Variants in KATNAL2 observed in about 807,000 individuals in gnomAD.
The protein encoded by KATNAL2 is katanin p60 ATPase-containing subunit A-like 2.
In KATNAL2, 52 loss-of-function variants were observed where a neutral mutation model predicts 76.3. The observed-to-expected ratio is 0.68, with a 90% CI of 0.55 to 0.86. The LOEUF is 0.86. Ranked by LOEUF, KATNAL2 falls within the 40% of genes least tolerant of loss-of-function variation. KATNAL2 has a pLI of 0.00. For missense variants in KATNAL2, 660 were observed against 668.9 expected (o/e 0.99, Z 0.15); for synonymous variants, 243 against 244.2 (o/e 1.00, Z 0.05).
At chr18:46,924,050 CT>C (rs1176839979) in intron 1 of KATNAL2, among the ~76,000 whole-genome samples, 30 of 152,284 alleles carry the variant, frequency 2.0e-4, no homozygotes, top group African/African-American at 6.7e-4. Flanking sequence ...ATGCTAGTTT[CT>C]TTCACTGTGC....
chr18:46,951,409 ATTTTT>A (rs57801829), intron 3 of KATNAL2, among the ~76,000 whole-genome samples: 1 of 137,224 alleles, frequency 7.3e-6, no homozygotes. Context: ...TCTAAGTCTG[ATTTTT>A]TTTTTTTTTT....
chr18:46,959,477 A>G (rs886770989), intron 3 of KATNAL2, among the ~76,000 whole-genome samples: 2 of 152,208 alleles, frequency 1.3e-5, no homozygotes, highest in Non-Finnish European at 2.9e-5. Context: ...AAAAAAAACT[A>G]ACTGAGAATA....
At chr18:47,085,784 A>AAATC in intron 15 of KATNAL2, among the ~76,000 whole-genome samples, 1 of 151,734 alleles carries the variant, frequency 6.6e-6, no homozygotes, top group Admixed American at 6.6e-5. Flanking sequence ...TTTTTATTGC[A>AAATC]AATAAATAAA....
intron 3 of KATNAL2, among the ~76,000 whole-genome samples, chr18:46,955,140 C>CTCTCTCTCTTTCTT (rs1555834717): frequency 2.5e-4 from 21 of 85,074 alleles, no homozygotes; most frequent in African/African-American, 8.1e-4. Context: ...CTTTCTCTCT[C>CTCTCTCTCTTTCTT]TCTTTCTTTC....
At chr18:46,928,946 C>T (rs537695873) in intron 1 of KATNAL2, among the ~76,000 whole-genome samples, 73 of 152,156 alleles carry the variant, frequency 4.8e-4, no homozygotes, top group African/African-American at 1.7e-3. Flanking sequence ...CAGGCATGCG[C>T]CACCACGCCC....
At chr18:46,950,911 C>T (rs948640258) in intron 3 of KATNAL2, among the ~76,000 whole-genome samples, 2 of 152,102 alleles carry the variant, frequency 1.3e-5, no homozygotes, top group Non-Finnish European at 2.9e-5. Context: ...CTCGAACTCC[C>T]AACCTCAGGT....
intron 3 of KATNAL2, among the ~76,000 whole-genome samples, chr18:47,043,552 A>C (rs1292791621): frequency 6.6e-6 from 1 of 152,158 alleles, no homozygotes; most frequent in Non-Finnish European, 1.5e-5. Flanking sequence ...CCAGAAGAGA[A>C]AGATTCAGTT....
intron 13 of KATNAL2, among the ~76,000 whole-genome samples, chr18:47,071,084 C>G (rs181756959): frequency 6.6e-6 from 1 of 152,100 alleles, no homozygotes; most frequent in South Asian, 2.1e-4. Flanking sequence ...ATGCAAAACC[C>G]GAGTATATGT....
intron 15 of KATNAL2, among the ~76,000 whole-genome samples, chr18:47,079,705 G>T (rs1209530340): frequency 6.6e-6 from 1 of 152,012 alleles, no homozygotes; most frequent in Non-Finnish European, 1.5e-5. Context: ...CTGCCAGAGG[G>T]ATTGTCTTGC....
chr18:47,077,658 C>G, intron 15 of KATNAL2, 197 bp downstream of exon 15: 1 of 489,998 alleles, frequency 2.0e-6, no homozygotes, highest in Non-Finnish European at 3.7e-6. Context: ...AGAGGAAACA[C>G]AGGCCAGGGT....
intron 3 of KATNAL2, chr18:47,033,125 G>C: frequency 6.2e-7 from 1 of 1,614,110 alleles, no homozygotes; most frequent in Non-Finnish European, 8.5e-7. Context: ...CTGCTGCTCA[G>C]GCAGGGGTTG....
chr18:46,938,199 C>G (rs1035471029), intron 1 of KATNAL2, among the ~76,000 whole-genome samples: 2 of 151,982 alleles, frequency 1.3e-5, no homozygotes, highest in African/African-American at 4.8e-5. Flanking sequence ...ATGAAAAGGT[C>G]AAGTTGGAAA....
chr18:47,032,086 A>T (rs1255310568), intron 3 of KATNAL2, among the ~76,000 whole-genome samples: 1 of 152,222 alleles, frequency 6.6e-6, no homozygotes, highest in Non-Finnish European at 1.5e-5. Context: ...CTTGATTCAG[A>T]ACCTAAATAA....
At chr18:47,069,394 T>G in intron 12 of KATNAL2, 88 bp from the exon 13 acceptor site, 1 of 1,368,822 alleles carries the variant, frequency 7.3e-7, no homozygotes, top group Non-Finnish European at 1.0e-6. Context: ...AGCAGTCACT[T>G]CCTTCCTTGT....
intron 15 of KATNAL2, among the ~76,000 whole-genome samples, chr18:47,097,938 A>G (rs1215397858): frequency 2.0e-5 from 3 of 152,208 alleles, no homozygotes; most frequent in Non-Finnish European, 4.4e-5. Flanking sequence ...GACACATCAC[A>G]GAATCAGTTT....
intron 3 of KATNAL2, among the ~76,000 whole-genome samples, chr18:47,031,913 G>T (rs2060479070): frequency 6.6e-6 from 1 of 152,058 alleles, no homozygotes; most frequent in Non-Finnish European, 1.5e-5. Flanking sequence ...ATCATATCTG[G>T]CATACGTTCC....
chr18:46,947,060 G>T, intron 3 of KATNAL2, 137 bp downstream of exon 3: 1 of 686,722 alleles, frequency 1.5e-6, no homozygotes, highest in Admixed American at 2.2e-5. Flanking sequence ...AGAGGCGCTC[G>T]GCCGAGGTGG....
chr18:47,099,524 GC>G, intron 16 of KATNAL2, 119 bp downstream of exon 16: 2 of 945,368 alleles, frequency 2.1e-6, no homozygotes, highest in Non-Finnish European at 3.0e-6. Flanking sequence ...GATCCAAGCT[GC>G]CCCCGTAATG....
Position 47,099,408 on chromosome 18 carries a change from C to G in KATNAL2, c.1374+3C>G, listed in dbSNP as rs2063378523. 6.2e-7 allele frequency: 1 copy of G among 1,607,552 alleles called. No homozygotes were observed. Among genetic ancestry groups the G allele is most frequent in the African/African-American group, 1.3e-5 (1 of 74,898 alleles). ...TGGAGTACAGTGTGCTGAGCCAGGT[C>G]AGCTGCCCTGGAGAGGGGCACATGT... is the stretch of plus-strand genomic sequence containing the variant. On this transcript the variant is annotated splice_donor_region_variant and intron_variant, in intron 16 of 17. Transcript: ENST00000683218.
Sources: gnomAD v4.1 joint callset for allele counts (sites outside exome capture counted in the v4.1 genomes callset) on GRCh38, gnomAD v4.1.1 for gene constraint, MANE v1.5 for transcripts, NCBI Gene and HGNC (gene_info 2026-07-23, HGNC 2026-07-21) for gene names.